Variants in UGT1A7 observed in about 807,000 individuals in gnomAD.
UGT1A7 encodes UDP glucuronosyltransferase family 1 member A7, also known as UDP-glucuronosyltransferase 1A7.
Under a neutral mutation model 45.6 loss-of-function variants are expected in UGT1A7, and 33 were observed. The ratio of observed to expected loss-of-function variants is 0.72; its 90% CI spans 0.55 to 0.97. The LOEUF is 0.97. UGT1A7 is among the 50% of genes least tolerant of loss of function. UGT1A7 has a pLI of 0.00. For missense variants in UGT1A7, 684 were observed against 666.2 expected, an observed-to-expected ratio of 1.03 and a Z score of -0.29; for synonymous variants, 274 against 250.6, an observed-to-expected ratio of 1.09 and a Z score of -0.88.
rs546323978 is a variant in UGT1A7, at chr2:233,743,185, G to C, written c.856-23849G>C. On this transcript the variant is annotated intron_variant, in intron 1 of 4. Transcript: ENST00000373426. ...TGTGCTTAAAGTCAAATGTGGACTG[G>C]AATTACTTGGTGTCAATGCGGAGTA... 3 of 372,746 alleles carry C rather than the reference G, an allele frequency of 8.0e-6. No homozygotes were observed. The East Asian group carries it at 2.2e-4, about 27-fold the overall frequency. The allele number at this position is 372,746 out of a possible 1,614,324, so 23.1% of individuals were successfully genotyped here.
At chr2:233,767,707 G>A (rs571789905) in intron 2 of UGT1A7, 142 bp from the exon 3 acceptor site, 2 of 1,523,576 alleles carry the variant, frequency 1.3e-6, no homozygotes, top group Non-Finnish European at 1.8e-6. Context: ...CCAGTCCTCA[G>A]AAGCCTTCAC....
chr2:233,725,867 A>C (rs2077480868), intron 1 of UGT1A7, among the ~76,000 whole-genome samples: 1 of 152,102 alleles, frequency 6.6e-6, no homozygotes, highest in Admixed American at 6.5e-5. Context: ...CATCTCTTTT[A>C]ATTTGAAAAT....
Position 233,689,259 on chromosome 2 carries a change from A to G in UGT1A7, c.855+6467A>G, listed in dbSNP as rs375419238. Among the ~76,000 whole-genome samples, 6 of 152,328 alleles carry G rather than the reference A, an allele frequency of 3.9e-5. No homozygotes were observed. The South Asian group carries it at 1.2e-3, about 32-fold the overall frequency. On this transcript the variant is annotated intron_variant, in intron 1 of 4. Coordinates refer to ENST00000373426, the MANE Select transcript of UGT1A7 (RefSeq NM_019077.3). ...ATCTGTGAGTGATTCAGACTTGACTATTGTTATCATACTAAACTAAACTGG... is the reference window on the plus strand; with the variant it reads ...ATCTGTGAGTGATTCAGACTTGACTGTTGTTATCATACTAAACTAAACTGG...
At chr2:233,716,512 C>T (rs1056007201) in intron 1 of UGT1A7, among the ~76,000 whole-genome samples, 3 of 152,196 alleles carry the variant, frequency 2.0e-5, no homozygotes, top group Non-Finnish European at 4.4e-5. Flanking sequence ...TCAGAGCTCT[C>T]AGCTTACCAT....
chr2:233,742,671 T>C (rs1692065704), intron 1 of UGT1A7: 1 of 152,224 alleles, frequency 6.6e-6, no homozygotes, highest in South Asian at 2.1e-4. Context: ...CCCCAAGGTT[T>C]GTCCTCAGCC....
At chr2:233,706,117 G>A (rs1319655081) in intron 1 of UGT1A7, among the ~76,000 whole-genome samples, 1 of 151,994 alleles carries the variant, frequency 6.6e-6, no homozygotes, top group Non-Finnish European at 1.5e-5. Flanking sequence ...AGAATTTCAG[G>A]ACACTGACAG....
At chr2:233,757,778 T>A (rs1328848691) in intron 1 of UGT1A7, among the ~76,000 whole-genome samples, 1 of 151,774 alleles carries the variant, frequency 6.6e-6, no homozygotes, top group African/African-American at 2.4e-5. Flanking sequence ...AATAAGCCTG[T>A]CATTCTGATT....
At chr2:233,704,732 C>T (rs2075805299) in intron 1 of UGT1A7, among the ~76,000 whole-genome samples, 2 of 152,108 alleles carry the variant, frequency 1.3e-5, no homozygotes. Flanking sequence ...CTCCCAACTG[C>T]CTCCCTTGTG....
At chr2:233,752,715 G>T (rs1184638783) in intron 1 of UGT1A7, among the ~76,000 whole-genome samples, 2 of 152,110 alleles carry the variant, frequency 1.3e-5, no homozygotes, top group African/African-American at 4.8e-5. Flanking sequence ...ATCTTGCCTA[G>T]GCAACAGCTA....
chr2:233,767,818 C>G lies in UGT1A7; in HGVS notation c.988-31C>G, dbSNP rs766005162. On this transcript the variant is annotated intron_variant, in intron 2 of 4. Coordinates refer to ENST00000373426, the MANE Select transcript of UGT1A7 (RefSeq NM_019077.3). ...GTTTTCTAATCATATTATGTTCTTT[C>G]TTTACGTTCTGCTCTTTTTGCCCCT... The G allele has an allele frequency of 1.9e-6, 3 of 1,614,028 alleles. No homozygotes were observed. In the South Asian group the frequency reaches 3.3e-5, roughly 18 times the overall value.
chr2:233,765,958 G>T (rs1456773325), intron 1 of UGT1A7, among the ~76,000 whole-genome samples: 1 of 152,138 alleles, frequency 6.6e-6, no homozygotes, highest in East Asian at 1.9e-4. Flanking sequence ...CACCGGCAGT[G>T]TCTAGAGGTG....
rs748366826 is a variant in UGT1A7, at chr2:233,682,010, G to A, written c.73G>A (p.Ala25Thr). The change falls in exon 1 of 5, where the codon GCA becomes ACA. Residue 25 changes from alanine to threonine, a missense_variant. Ala to Thr is a moderately conservative substitution (Grantham distance 58, BLOSUM62 0). Coordinates refer to ENST00000373426, the MANE Select transcript of UGT1A7 (RefSeq NM_019077.3). Reference protein sequence around the residue: ...CLLLTCGFAKAGKLLVVPMDG... With the variant: ...CLLLTCGFAKTGKLLVVPMDG... Reference sequence around the variant, plus strand: ...ACTGCTGACCTGTGGCTTTGCCAAGGCAGGGAAGCTGCTGGTAGTGCCCAT... The same window carrying A: ...ACTGCTGACCTGTGGCTTTGCCAAGACAGGGAAGCTGCTGGTAGTGCCCAT... The A allele has an allele frequency of 1.2e-6, 2 of 1,614,142 alleles. No homozygotes were observed. Among genetic ancestry groups the A allele is most frequent in the East Asian group, 2.2e-5 (1 of 44,894 alleles).
At chr2:233,685,644 A>G (rs369338896) in intron 1 of UGT1A7, among the ~76,000 whole-genome samples, 47 of 152,360 alleles carry the variant, frequency 3.1e-4, no homozygotes, top group African/African-American at 1.1e-3. Context: ...TCGAACATAT[A>G]CCAAGGAGAG....
chr2:233,724,959 G>A (rs563380533), intron 1 of UGT1A7, among the ~76,000 whole-genome samples: 3 of 142,486 alleles, frequency 2.1e-5, no homozygotes, highest in African/African-American at 8.2e-5. Context: ...CACCTCGGGA[G>A]GCCGAGGTTG....
At chr2:233,742,045 T>C (rs1691854275) in intron 1 of UGT1A7, 1 of 151,932 alleles carries the variant, frequency 6.6e-6, no homozygotes, top group South Asian at 2.1e-4. Context: ...AGCATAGCAA[T>C]AGGATAGTTC....
chr2:233,729,484 A>C, intron 1 of UGT1A7: 1 of 1,614,190 alleles, frequency 6.2e-7, no homozygotes, highest in Non-Finnish European at 8.5e-7. Context: ...GTTGAACAAT[A>C]TGTCTTTGGT....
intron 1 of UGT1A7, chr2:233,691,462 A>G (rs1455552692): frequency 3.0e-6 from 3 of 985,746 alleles, no homozygotes; most frequent in East Asian, 2.2e-4. Context: ...GGGCCCCAGA[A>G]CACCTCCGGT....
intron 1 of UGT1A7, among the ~76,000 whole-genome samples, chr2:233,745,770 A>C (rs1250440901): frequency 1.3e-5 from 2 of 148,808 alleles, no homozygotes. Flanking sequence ...GAGAGGAGGA[A>C]TGAGCTTAGA....
chr2:233,714,109 G>A (rs561415823), intron 1 of UGT1A7, among the ~76,000 whole-genome samples: 1 of 152,272 alleles, frequency 6.6e-6, no homozygotes, highest in East Asian at 1.9e-4. Flanking sequence ...AGAGTGGTGT[G>A]ACTCACGGAG....
Sources: allele counts gnomAD v4.1 joint callset (sites outside exome capture counted in the v4.1 genomes callset), GRCh38; gene constraint gnomAD v4.1.1; transcripts MANE v1.5; gene names NCBI Gene and HGNC (gene_info 2026-07-23, HGNC 2026-07-21).